RGS17: variants seen among roughly 807,000 people sequenced by gnomAD.
The protein encoded by RGS17 is regulator of G-protein signaling 17.
Under a neutral mutation model 25.5 loss-of-function variants are expected in RGS17, and 12 were observed. That is an observed-to-expected ratio of 0.47 (90% CI 0.30 to 0.76). RGS17 has a LOEUF of 0.76. Ranked by LOEUF, RGS17 falls within the 30% of genes least tolerant of loss-of-function variation. The probability of loss-of-function intolerance (pLI) is 0.07; values close to 1 mark genes in which losing one functional copy is unlikely to be tolerated. For missense variants in RGS17, 196 were observed against 242.2 expected (o/e 0.81, Z 1.27); for synonymous variants, 71 against 76.9 (o/e 0.92, Z 0.40).
chr6:153,095,577 T>C (rs113732251), intron 1 of RGS17, among the ~76,000 whole-genome samples: 23 of 152,258 alleles, frequency 1.5e-4, no homozygotes, highest in Middle Eastern at 6.8e-3. Context: ...AGATATAAAA[T>C]TGAATTTCGA....
Position 153,131,277 on chromosome 6 carries a change from G to A in RGS17, c.-179C>T, listed in dbSNP as rs1258149320. 6.6e-6 allele frequency: 1 copy of A among 150,414 alleles called. No individual in the cohort carries two copies. Among genetic ancestry groups the A allele is most frequent in the African/African-American group, 2.4e-5 (1 of 41,142 alleles). The allele number at this position is 150,414 out of a possible 1,614,324, so 9.3% of individuals were successfully genotyped here. On this transcript the variant is annotated 5_prime_UTR_variant, in exon 1 of 5. Coordinates refer to ENST00000206262, the MANE Select transcript of RGS17 (RefSeq NM_012419.5). The stretch of plus-strand genomic sequence containing the variant: ...GGAGAGCGGCGAGGATGCAGAGGAG[G>A]GGGAGGGGGAGGAGGGAGCGGTGGG...
intron 1 of RGS17, among the ~76,000 whole-genome samples, chr6:153,067,212 T>A (rs529981798): frequency 6.6e-6 from 1 of 151,926 alleles, no homozygotes; most frequent in Non-Finnish European, 1.5e-5. Flanking sequence ...GTATACTGAA[T>A]GGGAAAAAAA....
intron 1 of RGS17, among the ~76,000 whole-genome samples, chr6:153,118,696 C>G (rs949576003): frequency 5.3e-5 from 8 of 151,874 alleles, no homozygotes; most frequent in African/African-American, 1.9e-4. Context: ...TAAGCTGCCC[C>G]AAACTTTTTG....
intron 1 of RGS17, among the ~76,000 whole-genome samples, chr6:153,062,951 T>G (rs960820482): frequency 5.3e-5 from 8 of 152,274 alleles, no homozygotes; most frequent in Admixed American, 5.2e-4. Context: ...CATCACCTGC[T>G]AACTAAAGAG....
intron 2 of RGS17, among the ~76,000 whole-genome samples, chr6:153,030,710 A>T (rs2129107810): frequency 6.6e-6 from 1 of 152,366 alleles, no homozygotes; most frequent in East Asian, 1.9e-4. Context: ...CATTCAAGAT[A>T]TCACAGTAAA....
At position 153,006,151 on chromosome 6, in the gene RGS17, C is replaced by T. The variant is rs939197009; in HGVS notation, c.*5423G>A. On this transcript the variant is annotated 3_prime_UTR_variant, in exon 5 of 5. Transcript: ENST00000206262. ...TATGCGTGAGCCACCGTGCCTGGCC[C>T]ATTACCACCTTTTATTAAGTTTTTA... The T allele has an allele frequency of 2.0e-5, 3 of 152,166 alleles. No homozygotes were observed. The highest frequency in any genetic ancestry group is 7.2e-5 in the African/African-American group (3 of 41,438). The allele number at this position is 152,166 out of a possible 1,614,324, so 9.4% of individuals were successfully genotyped here.
chr6:153,086,156 C>A (rs1231803028), intron 1 of RGS17, among the ~76,000 whole-genome samples: 1 of 151,724 alleles, frequency 6.6e-6, no homozygotes, highest in African/African-American at 2.4e-5. Context: ...TTGTATTTTT[C>A]TAAACAGAAA....
chr6:153,074,233 C>T (rs989078591), intron 1 of RGS17, among the ~76,000 whole-genome samples: 2 of 152,112 alleles, frequency 1.3e-5, no homozygotes, highest in South Asian at 4.1e-4. Flanking sequence ...CAAAACTGAT[C>T]GTGTTTTCTG....
At chr6:153,057,607 GA>G (rs1776578756) in intron 1 of RGS17, among the ~76,000 whole-genome samples, 1 of 152,128 alleles carries the variant, frequency 6.6e-6, no homozygotes, top group Non-Finnish European at 1.5e-5. Context: ...GGGTGTGGGG[GA>G]TGGTTTTGGG....
In RGS17 at chr6:153,043,970, G is replaced by A; in HGVS notation, c.49C>T (p.Gln17Ter). The change falls in exon 2 of 5, where the codon CAA becomes TAA. Residue 17 changes from glutamine (Q) to a stop codon, truncating the protein, a stop_gained. Transcript: ENST00000206262. LOFTEE classifies it high-confidence loss of function. ...TTGGGCCTCTGGTTTCCAGGAGCTT[G>A]AGACACGGCAGGTGTTCCTTCATTT... Reference protein sequence around the residue: ...SQNEGTPAVSQAPGNQRPNNT... With the variant: ...SQNEGTPAVS The A allele has an allele frequency of 6.2e-7, 1 of 1,613,176 alleles. No homozygotes were observed. Among genetic ancestry groups the A allele is most frequent in the Non-Finnish European group, 8.5e-7 (1 of 1,179,620 alleles).
At chr6:153,023,479 C>A in intron 4 of RGS17, 2 of 352,270 alleles carry the variant, frequency 5.7e-6, no homozygotes, top group East Asian at 1.4e-4. Flanking sequence ...CACTCTTTCA[C>A]CAAATGCTTT....
chr6:153,052,241 C>T (rs538292256), intron 1 of RGS17, among the ~76,000 whole-genome samples: 2 of 116,752 alleles, frequency 1.7e-5, no homozygotes, highest in East Asian at 5.1e-4. Context: ...CTCAACTCTA[C>T]TGGGTCTGGA....
At chr6:153,080,988 G>A (rs572786095) in intron 1 of RGS17, among the ~76,000 whole-genome samples, 51 of 151,848 alleles carry the variant, frequency 3.4e-4, no homozygotes, top group African/African-American at 1.2e-3. Context: ...CTTAAATTTA[G>A]ATTTTTTTAA....
chr6:153,038,847 T>C (rs912515447), intron 2 of RGS17, among the ~76,000 whole-genome samples: 7 of 152,174 alleles, frequency 4.6e-5, no homozygotes, highest in Admixed American at 3.9e-4. Flanking sequence ...ACAGAGGCCA[T>C]GGTACTTGTT....
chr6:153,012,660 G>A (rs760236063), intron 4 of RGS17, among the ~76,000 whole-genome samples: 1 of 152,118 alleles, frequency 6.6e-6, no homozygotes, highest in Non-Finnish European at 1.5e-5. Flanking sequence ...CCTACAAGTG[G>A]TAAACAACCA....
At chr6:153,093,209 T>C (rs1026439921) in intron 1 of RGS17, among the ~76,000 whole-genome samples, 2 of 152,248 alleles carry the variant, frequency 1.3e-5, no homozygotes, top group Admixed American at 1.3e-4. Context: ...ATTTAATGGC[T>C]ATGAAAACAG....
intron 1 of RGS17, among the ~76,000 whole-genome samples, chr6:153,071,646 C>T (rs1430574472): frequency 6.6e-6 from 1 of 152,074 alleles, no homozygotes; most frequent in African/African-American, 2.4e-5. Context: ...TTTCTAAATG[C>T]TTGTTCTCAA....
intron 1 of RGS17, among the ~76,000 whole-genome samples, chr6:153,088,939 C>T (rs868012298): frequency 1.3e-5 from 2 of 148,290 alleles, no homozygotes; most frequent in South Asian, 2.2e-4. Flanking sequence ...GAAAAAGAAA[C>T]GAGTAATATT....
At chr6:153,062,777 T>A (rs1039872541) in intron 1 of RGS17, among the ~76,000 whole-genome samples, 1 of 152,080 alleles carries the variant, frequency 6.6e-6, no homozygotes, top group East Asian at 1.9e-4. Context: ...GGGAAGACTT[T>A]GTCTTGCATC....
Sources: gnomAD v4.1 joint callset for allele counts (sites outside exome capture counted in the v4.1 genomes callset) on GRCh38, gnomAD v4.1.1 for gene constraint, MANE v1.5 for transcripts, NCBI Gene and HGNC (gene_info 2026-07-23, HGNC 2026-07-21) for gene names.